ETFDH: variants seen among roughly 807,000 people sequenced by gnomAD.
ETFDH encodes electron transfer flavoprotein dehydrogenase.
ETFDH carries 61 observed loss-of-function variants against 73.2 expected under a neutral mutation model. The ratio of observed to expected loss-of-function variants is 0.83; its 90% CI spans 0.68 to 1.03. The LOEUF (loss-of-function observed/expected upper bound fraction) is 1.03. Among genes scored for constraint, ETFDH ranks in the 50% least tolerant of loss-of-function variants. ETFDH has a pLI of 0.00. For synonymous variants in ETFDH, 243 were observed against 253.3 expected (o/e 0.96, Z 0.39); for missense variants, 685 against 745.0 (o/e 0.92, Z 0.94).
Position 158,706,178 on chromosome 4 carries a change from T to C in ETFDH, c.1286-11T>C. On this transcript the variant is annotated splice_polypyrimidine_tract_variant and intron_variant, in intron 10 of 12. Coordinates refer to ENST00000511912, the MANE Select transcript of ETFDH (RefSeq NM_004453.4). ...AGTTTCGCACTTAACATTTCATGTT[T>C]TTAATAAAAGGACTCCATGTAACTG... The C allele has an allele frequency of 6.3e-7, 1 of 1,590,364 alleles. No homozygotes were observed. The highest frequency in any genetic ancestry group is 8.6e-7 in the Non-Finnish European group (1 of 1,158,340).
intron 10 of ETFDH, among the ~76,000 whole-genome samples, 195 bp from the exon 11 acceptor site, chr4:158,705,994 T>C (rs767040429): frequency 1.3e-5 from 2 of 152,152 alleles, no homozygotes; most frequent in Non-Finnish European, 2.9e-5. Flanking sequence ...GGTGGGAGGA[T>C]GGCTTGAATC....
intron 6 of ETFDH, among the ~76,000 whole-genome samples, chr4:158,692,196 A>G (rs1774183611): frequency 6.6e-6 from 1 of 151,732 alleles, no homozygotes; most frequent in Non-Finnish European, 1.5e-5. Context: ...GATAGAGACC[A>G]TCCTGGCTAA....
At position 158,695,635 on chromosome 4, in the gene ETFDH, C is replaced by T. The variant is rs760045823; in HGVS notation, c.823C>T (p.Leu275=). 1.2e-6 allele frequency: 2 copies of T among 1,607,220 alleles called. No homozygotes were observed. The highest frequency in any genetic ancestry group is 1.7e-6 in the Non-Finnish European group (2 of 1,173,856). Residue 275 remains leucine (L), a synonymous_variant, in exon 7 of 13, where the codon CTG becomes TTG. Coordinates refer to ENST00000511912, the MANE Select transcript of ETFDH (RefSeq NM_004453.4). ...TGAACCTCAAACCTACGGGATTGGA[C>T]TGAAGGAGGTATCCTGGTTTGTTTC... The part of the protein sequence containing the change: ...NCEPQTYGIG[L]KELWVIDEKN...
intron 10 of ETFDH, among the ~76,000 whole-genome samples, chr4:158,704,070 G>T (rs1034236310): frequency 6.6e-6 from 1 of 152,204 alleles, no homozygotes; most frequent in Non-Finnish European, 1.5e-5. Context: ...TTGCACTCCA[G>T]CCTGGGCAAC....
chr4:158,708,633 A>G lies in ETFDH; in HGVS notation c.*106A>G, dbSNP rs1774710105. ...CTGCATATTACTGAACAGAATAGTC[A>G]CAAAATGATTATCAAATAAAAATTT... On this transcript the variant is annotated 3_prime_UTR_variant, in exon 13 of 13. Transcript: ENST00000511912. 1.1e-6 allele frequency: 1 copy of G among 921,614 alleles called. No individual in the cohort carries two copies. Among genetic ancestry groups the G allele is most frequent in the African/African-American group, 1.7e-5 (1 of 60,212 alleles). 57.1% of individuals were successfully genotyped at this position (921,614 alleles called of 1,614,324 possible).
intron 2 of ETFDH, 40 bp from the exon 3 acceptor site, chr4:158,682,155 T>G: frequency 1.9e-6 from 3 of 1,611,946 alleles, no homozygotes; most frequent in Non-Finnish European, 2.5e-6. Context: ...ATCATGTGAT[T>G]ATTGGGTTAT....
intron 1 of ETFDH, among the ~76,000 whole-genome samples, chr4:158,676,135 G>A (rs934394761): frequency 3.9e-5 from 6 of 152,156 alleles, no homozygotes; most frequent in Admixed American, 1.3e-4. Context: ...ACTCAAATCA[G>A]TCTCCCCGAA....
chr4:158,680,824 C>G (rs996128363), intron 2 of ETFDH, among the ~76,000 whole-genome samples: 1 of 152,160 alleles, frequency 6.6e-6, no homozygotes, highest in African/African-American at 2.4e-5. Context: ...TTCCTATCAC[C>G]TAGTGACATC....
intron 1 of ETFDH, among the ~76,000 whole-genome samples, chr4:158,678,172 C>T (rs1056654843): frequency 6.6e-6 from 1 of 152,168 alleles, no homozygotes; most frequent in Non-Finnish European, 1.5e-5. Context: ...AATTAAACTA[C>T]AGATTTTATT....
At chr4:158,681,264 A>G (rs916550459) in intron 2 of ETFDH, among the ~76,000 whole-genome samples, 1 of 152,166 alleles carries the variant, frequency 6.6e-6, no homozygotes, top group African/African-American at 2.4e-5. Context: ...TTAATTTTTA[A>G]TAAAAGAGTT....
chr4:158,680,435 G>A (rs759903159), intron 1 of ETFDH, 32 bp from the exon 2 acceptor site: 3 of 1,558,194 alleles, frequency 1.9e-6, no homozygotes, highest in Non-Finnish European at 2.7e-6. Flanking sequence ...CTAATTTTAA[G>A]GAAGATAATA....
intron 7 of ETFDH, among the ~76,000 whole-genome samples, chr4:158,697,206 C>T (rs1023374725): frequency 2.0e-4 from 31 of 151,984 alleles, no homozygotes; most frequent in Admixed American, 9.8e-4. Flanking sequence ...GCAATTCTCA[C>T]GCCTCAGCCT....
chr4:158,685,300 A>G (rs962735235), intron 5 of ETFDH, 81 bp downstream of exon 5: 1 of 801,838 alleles, frequency 1.2e-6, no homozygotes, highest in Admixed American at 1.9e-5. Context: ...AAGTTGAAGA[A>G]ATAAATATTT....
At chr4:158,706,161 A>C in intron 10 of ETFDH, 28 bp from the exon 11 acceptor site, 1 of 1,503,934 alleles carries the variant, frequency 6.6e-7, no homozygotes, top group Non-Finnish European at 9.3e-7. Flanking sequence ...GCAGTTTCGC[A>C]CTTAACATTT....
At chr4:158,686,132 A>G (rs1283888176) in intron 5 of ETFDH, among the ~76,000 whole-genome samples, 2 of 152,138 alleles carry the variant, frequency 1.3e-5, no homozygotes, top group African/African-American at 4.8e-5. Context: ...AAGAGATAGG[A>G]TTGAAAGACA....
intron 10 of ETFDH, among the ~76,000 whole-genome samples, chr4:158,705,872 G>T (rs1561251035): frequency 6.6e-6 from 1 of 152,214 alleles, no homozygotes; most frequent in Non-Finnish European, 1.5e-5. Context: ...CTTGAGCCCA[G>T]CAGTTCAAGA....
At position 158,707,873 on chromosome 4, in the gene ETFDH, C is replaced by T. The variant is rs1014135483; in HGVS notation, c.1691-491C>T. Among the ~76,000 whole-genome samples, 11 of 152,268 alleles carry T rather than the reference C, an allele frequency of 7.2e-5. No individual in the cohort carries two copies. The East Asian group carries it at 1.4e-3, about 19-fold the overall frequency. On this transcript the variant is annotated intron_variant, in intron 12 of 12. Transcript: ENST00000511912. ...GTGAAAGAGGAAAAAGAAATTTGTG[C>T]GTTTTGCTGTTGGACCTCGAACTGT...
chr4:158,675,212 G>A (rs1480152748), intron 1 of ETFDH, among the ~76,000 whole-genome samples: 1 of 152,118 alleles, frequency 6.6e-6, no homozygotes, highest in Non-Finnish European at 1.5e-5. Flanking sequence ...GCCCCTTCCA[G>A]CCTTAGACAA....
chr4:158,690,667 A>G (rs1257321610), intron 6 of ETFDH, among the ~76,000 whole-genome samples: 1 of 133,984 alleles, frequency 7.5e-6, no homozygotes, highest in Non-Finnish European at 1.6e-5. Context: ...TGAGTGACAG[A>G]GCAAAACCCT....
Sources: allele counts gnomAD v4.1 joint callset (sites outside exome capture counted in the v4.1 genomes callset), GRCh38; gene constraint gnomAD v4.1.1; transcripts MANE v1.5; gene names NCBI Gene and HGNC (gene_info 2026-07-23, HGNC 2026-07-21).